Variants in KLC1 observed in about 807,000 individuals in gnomAD.
The protein encoded by KLC1 is kinesin 2 60/70kDa.
Under a neutral mutation model 84.2 loss-of-function variants are expected in KLC1, and 30 were observed. The ratio of observed to expected loss-of-function variants is 0.36; its 90% CI spans 0.27 to 0.48. KLC1 has a LOEUF of 0.48. KLC1 is among the 20% of genes least tolerant of loss of function. KLC1 has a pLI of 0.99. For synonymous variants in KLC1, 289 were observed against 293.3 expected, an observed-to-expected ratio of 0.99 and a Z score of 0.15; for missense variants, 499 against 805.4, an observed-to-expected ratio of 0.62 and a Z score of 4.60.
intron 2 of KLC1, 97 bp downstream of exon 2, chr14:103,654,922 G>A: frequency 7.3e-7 from 1 of 1,371,944 alleles, no homozygotes; most frequent in Non-Finnish European, 9.9e-7. Flanking sequence ...GAGGAAAGAT[G>A]ATTATAGAAT....
chr14:103,649,227 T>C (rs1468095002), intron 1 of KLC1, among the ~76,000 whole-genome samples: 2 of 151,726 alleles, frequency 1.3e-5, no homozygotes, highest in Admixed American at 1.3e-4. Context: ...AGTCTAGGAG[T>C]GCAAGTCCAG....
At chr14:103,660,603 A>G (rs1194611126) in intron 3 of KLC1, among the ~76,000 whole-genome samples, 1 of 152,164 alleles carries the variant, frequency 6.6e-6, no homozygotes, top group African/African-American at 2.4e-5. Flanking sequence ...AGCCTGGCCA[A>G]CATAGCAAAA....
chr14:103,660,835 A>G (rs561891709), intron 3 of KLC1, among the ~76,000 whole-genome samples: 6 of 152,168 alleles, frequency 3.9e-5, no homozygotes, highest in East Asian at 1.9e-4. Flanking sequence ...TAAATAAAAG[A>G]TGCTTGCTCT....
At chr14:103,679,781 C>T (rs907063218) in intron 13 of KLC1, 1 of 479,226 alleles carries the variant, frequency 2.1e-6, no homozygotes, top group East Asian at 3.4e-5. Flanking sequence ...CACTTAAATG[C>T]TGATTGAGTG....
At chr14:103,698,779 T>C (rs1288688077) in intron 15 of KLC1, 6 of 1,575,162 alleles carry the variant, frequency 3.8e-6, no homozygotes, top group South Asian at 2.3e-5. Context: ...GGCAGGGCTG[T>C]TGTGCAGCCG....
At position 103,657,600 on chromosome 14, in the gene KLC1, C is replaced by G; in HGVS notation, c.316C>G (p.Leu106Val). The G allele has an allele frequency of 6.2e-7, 1 of 1,614,188 alleles. No individual in the cohort carries two copies. Among genetic ancestry groups the G allele is most frequent in the Non-Finnish European group, 8.5e-7 (1 of 1,180,032 alleles). Residue 106 changes from leucine to valine, a missense_variant, in exon 3 of 17, where the codon CTG becomes GTG. By Grantham distance (32) the Leu-to-Val change is conservative. Coordinates refer to ENST00000334553, the MANE Select transcript of KLC1 (RefSeq NM_001394837.1). ...TGCTGTGGAGTCCGAGAAGCAGAAA[C>G]TGCGTGCGCAGGTTCGTCGTCTGTG... is the stretch of plus-strand genomic sequence containing the variant. Reference protein sequence around the residue: ...LNAVESEKQKLRAQVRRLCQE... With the variant: ...LNAVESEKQKVRAQVRRLCQE...
intron 14 of KLC1, among the ~76,000 whole-genome samples, chr14:103,691,301 G>A (rs1298531890): frequency 6.6e-6 from 1 of 151,648 alleles, no homozygotes; most frequent in Non-Finnish European, 1.5e-5. Flanking sequence ...TGGGATTACA[G>A]GTGTGTACCA....
chr14:103,634,851 G>T lies in KLC1; in HGVS notation c.-2+5357G>T, dbSNP rs138599162. 6.5e-4 allele frequency among the ~76,000 whole-genome samples: 99 copies of T among 152,234 alleles called. 2 individuals are homozygous for T. The highest frequency in any genetic ancestry group is 2.1e-3 in the African/African-American group (89 of 41,532). On this transcript the variant is annotated intron_variant, in intron 1 of 16. Coordinates refer to ENST00000334553, the MANE Select transcript of KLC1 (RefSeq NM_001394837.1). ...CTGCCGTGGCCTCCCAAAGTGTCGG[G>T]ATTACAGGTTTGAGCCACTGCACCC...
At chr14:103,696,092 GCCCCCGCCCCCCGCCCCC>G in intron 15 of KLC1, 1 of 761,612 alleles carries the variant, frequency 1.3e-6, no homozygotes, top group South Asian at 7.2e-5. Context: ...TAATCACTGC[GCCCCCGCCCCCCGCCCCC>G]CCCCACAGCA....
chr14:103,637,404 C>T (rs1295995406), intron 1 of KLC1, among the ~76,000 whole-genome samples: 3 of 151,818 alleles, frequency 2.0e-5, no homozygotes, highest in Admixed American at 6.6e-5. Flanking sequence ...GTGGTGTGCA[C>T]CTGTAGTCCC....
chr14:103,685,133 T>A, intron 13 of KLC1: 1 of 1,477,486 alleles, frequency 6.8e-7, no homozygotes, highest in Non-Finnish European at 9.0e-7. Flanking sequence ...CATTGCTGCC[T>A]GTGGAAATTA....
chr14:103,659,049 C>T (rs2079065627), intron 3 of KLC1, among the ~76,000 whole-genome samples: 1 of 151,880 alleles, frequency 6.6e-6, no homozygotes, highest in African/African-American at 2.4e-5. Flanking sequence ...GCGATCTTGG[C>T]TCACTGCAGC....
chr14:103,672,706 G>A (rs1287889356), intron 7 of KLC1, among the ~76,000 whole-genome samples: 1 of 152,156 alleles, frequency 6.6e-6, no homozygotes, highest in African/African-American at 2.4e-5. Context: ...TTCAAAATGT[G>A]CCTAATGTGT....
intron 11 of KLC1, among the ~76,000 whole-genome samples, chr14:103,676,578 C>T (rs979192062): frequency 4.6e-5 from 7 of 152,092 alleles, no homozygotes; most frequent in African/African-American, 1.7e-4. Context: ...TCTTAACTTT[C>T]CTCATCCTTT....
intron 1 of KLC1, among the ~76,000 whole-genome samples, chr14:103,651,750 GC>G (rs1371797740): frequency 1.8e-3 from 268 of 152,332 alleles, no homozygotes; most frequent in Middle Eastern, 6.8e-3. Context: ...TCACACCTCT[GC>G]CTCAGCTCCC....
At chr14:103,681,975 G>A (rs917219363) in intron 13 of KLC1, among the ~76,000 whole-genome samples, 2 of 152,158 alleles carry the variant, frequency 1.3e-5, no homozygotes, top group Non-Finnish European at 2.9e-5. Context: ...AGATTGCAAA[G>A]CAAACCGTTA....
At chr14:103,642,900 C>G (rs1033470521) in intron 1 of KLC1, among the ~76,000 whole-genome samples, 1 of 151,686 alleles carries the variant, frequency 6.6e-6, no homozygotes, top group Non-Finnish European at 1.5e-5. Flanking sequence ...TCCTGAGTTG[C>G]TGGGACAACA....
rs1341408417 is a variant in KLC1 at position 103,701,187 on chromosome 14, A to G, written c.*2-14A>G. 25 of 1,550,330 alleles carry G rather than the reference A, an allele frequency of 1.6e-5. No individual in the cohort carries two copies. Among genetic ancestry groups the G allele is most frequent in the Middle Eastern group, 1.7e-4 (1 of 6,002 alleles). ...TTTGGCGGCCCAGCCCTGACCTTCT[A>G]TCTTCTCTTGCAGTGACCCCGACCT... On this transcript the variant is annotated splice_polypyrimidine_tract_variant and intron_variant, in intron 16 of 16. Transcript: ENST00000334553.
chr14:103,666,615 G>C (rs950537261), intron 5 of KLC1, among the ~76,000 whole-genome samples: 2 of 135,994 alleles, frequency 1.5e-5, no homozygotes, highest in Non-Finnish European at 3.2e-5. Flanking sequence ...TTTTTTTTCT[G>C]AAACGAAGTC....
Sources: gnomAD v4.1 joint callset for allele counts (sites outside exome capture counted in the v4.1 genomes callset) on GRCh38, gnomAD v4.1.1 for gene constraint, MANE v1.5 for transcripts, NCBI Gene and HGNC (gene_info 2026-07-23, HGNC 2026-07-21) for gene names.